The following MAST4 variants were observed in gnomAD, a reference collection of about 807,000 sequenced individuals.
MAST4 encodes the protein microtubule-associated serine/threonine-protein kinase 4.
MAST4 carries 89 observed loss-of-function variants against 162.7 expected under a neutral mutation model. The observed-to-expected ratio is 0.55, with a 90% CI of 0.46 to 0.65. MAST4 has a LOEUF of 0.65. MAST4 is among the 30% of genes least tolerant of loss of function. The probability of loss-of-function intolerance (pLI) is 0.00; values close to 1 mark genes in which losing one functional copy is unlikely to be tolerated. For missense variants in MAST4, 3,153 were observed against 3,374.0 expected, an observed-to-expected ratio of 0.93 and a Z score of 1.62; for synonymous variants, 1,479 against 1,361.1, an observed-to-expected ratio of 1.09 and a Z score of -1.91.
intron 6 of MAST4, among the ~76,000 whole-genome samples, chr5:67,093,400 C>T (rs760499870): frequency 1.3e-5 from 2 of 152,070 alleles, no homozygotes; most frequent in Non-Finnish European, 2.9e-5. Flanking sequence ...TGATACCTTT[C>T]TTGAAAAAAG....
chr5:66,776,054 G>A (rs1754585846), intron 2 of MAST4, among the ~76,000 whole-genome samples: 1 of 152,194 alleles, frequency 6.6e-6, no homozygotes, highest in Non-Finnish European at 1.5e-5. Flanking sequence ...TGAAATACAC[G>A]ATTATGTGAA....
chr5:66,614,860 GT>G (rs1396611478), intron 1 of MAST4, among the ~76,000 whole-genome samples: 2 of 152,170 alleles, frequency 1.3e-5, no homozygotes, highest in East Asian at 3.9e-4. Context: ...TGCTGGAGAT[GT>G]TTTTCTCTGC....
chr5:67,036,211 G>T (rs1450323467), intron 4 of MAST4, among the ~76,000 whole-genome samples: 1 of 152,114 alleles, frequency 6.6e-6, no homozygotes, highest in African/African-American at 2.4e-5. Context: ...AAAGTATCCT[G>T]TTACAGGACC....
At chr5:67,095,868 A>G (rs1477954064) in intron 7 of MAST4, among the ~76,000 whole-genome samples, 193 bp downstream of exon 7, 2 of 152,298 alleles carry the variant, frequency 1.3e-5, no homozygotes, top group East Asian at 1.9e-4. Context: ...GCAAGCTTTT[A>G]AACTGTAGTG....
intron 1 of MAST4, among the ~76,000 whole-genome samples, chr5:66,664,485 A>G (rs1747122607): frequency 1.3e-5 from 2 of 148,814 alleles, no homozygotes; most frequent in South Asian, 2.2e-4. Context: ...AGTTTTGACC[A>G]TATTAACTTT....
chr5:67,043,336 T>C (rs1156337407), intron 4 of MAST4, among the ~76,000 whole-genome samples: 1 of 152,166 alleles, frequency 6.6e-6, no homozygotes. Flanking sequence ...TTCAAATAAG[T>C]TTTGGATATA....
At chr5:67,093,227 C>T (rs915086121) in intron 6 of MAST4, among the ~76,000 whole-genome samples, 2 of 152,014 alleles carry the variant, frequency 1.3e-5, no homozygotes, top group Non-Finnish European at 2.9e-5. Flanking sequence ...TCCCTTCTTA[C>T]TTTTTCATTT....
chr5:66,626,290 G>A (rs185084293), intron 1 of MAST4, among the ~76,000 whole-genome samples: 1 of 152,124 alleles, frequency 6.6e-6, no homozygotes, highest in East Asian at 1.9e-4. Context: ...TAACTGTAGG[G>A]GTAATAGAGA....
intron 4 of MAST4, among the ~76,000 whole-genome samples, chr5:67,012,735 G>GA (rs1435092442): frequency 6.6e-6 from 1 of 151,702 alleles, no homozygotes; most frequent in African/African-American, 2.4e-5. Flanking sequence ...CAGGCAGATA[G>GA]AAAAAAAGAA....
At chr5:66,772,835 C>G (rs1333077443) in intron 2 of MAST4, among the ~76,000 whole-genome samples, 1 of 152,126 alleles carries the variant, frequency 6.6e-6, no homozygotes, top group Non-Finnish European at 1.5e-5. Context: ...CTCAAGGTCC[C>G]TTTGAGTTGA....
intron 21 of MAST4, among the ~76,000 whole-genome samples, chr5:67,143,516 C>T (rs184882430): frequency 3.9e-4 from 59 of 152,298 alleles, no homozygotes; most frequent in Admixed American, 2.0e-3. Flanking sequence ...CTCCCTTTTG[C>T]TATTTTCAGT....
chr5:66,618,035 G>T (rs566213111), intron 1 of MAST4, among the ~76,000 whole-genome samples: 86 of 142,310 alleles, frequency 6.0e-4, no homozygotes, highest in Non-Finnish European at 6.7e-4. Flanking sequence ...GGGAGGAATG[G>T]GGGGGGGGCC....
rs1751214016 is a variant in MAST4, at chr5:67,000,850, ATAGTG to A, written c.675-53553_675-53549del. 4.6e-5 allele frequency among the ~76,000 whole-genome samples: 7 copies of A among 152,218 alleles called. No homozygotes were observed. In the South Asian group the frequency reaches 8.3e-4, roughly 18 times the overall value. On this transcript the variant is annotated intron_variant, in intron 4 of 28. Transcript: ENST00000403625. ...TTTTTTGTATGTAGAAGGGGAGGTA[ATAGTG>A]AAGGATTTGACCCTTTCTTAAATAC...
At chr5:66,623,773 A>G (rs1744228333) in intron 1 of MAST4, among the ~76,000 whole-genome samples, 3 of 152,218 alleles carry the variant, frequency 2.0e-5, no homozygotes, top group African/African-American at 7.2e-5. Context: ...GGCAGAGAAA[A>G]CAGACAGGAA....
intron 3 of MAST4, among the ~76,000 whole-genome samples, chr5:66,874,478 A>C (rs888888162): frequency 2.0e-5 from 3 of 152,224 alleles, no homozygotes; most frequent in African/African-American, 7.2e-5. Context: ...AGCTTTGCTG[A>C]TCCAGAATAA....
intron 3 of MAST4, among the ~76,000 whole-genome samples, chr5:66,887,676 A>C (rs1331049100): frequency 6.6e-6 from 1 of 152,190 alleles, no homozygotes; most frequent in Non-Finnish European, 1.5e-5. Flanking sequence ...AATACTGAAC[A>C]TTCTTCCTAT....
rs1491469801 is a variant in MAST4, at chr5:66,951,596, A to ATGTGTGTGTGTG, written c.674+51615_674+51616insGTGTGTGTGTGT. 2.6e-5 allele frequency among the ~76,000 whole-genome samples: 3 copies of ATGTGTGTGTGTG among 114,760 alleles called. No individual in the cohort carries two copies. In the East Asian group the frequency reaches 7.9e-4, roughly 30 times the overall value. 75.3% of individuals were successfully genotyped at this position (114,760 alleles called of 152,430 possible). ...AGAGGCCATTATTTTGCCTCCCATG[A>ATGTGTGTGTGTG]TATGTGTGTGTGTGTGTGTGTGTGT... On this transcript the variant is annotated intron_variant, in intron 4 of 28. Transcript: ENST00000403625.
intron 4 of MAST4, among the ~76,000 whole-genome samples, chr5:66,946,334 T>C (rs1422585511): frequency 6.6e-6 from 1 of 152,158 alleles, no homozygotes; most frequent in Admixed American, 6.6e-5. Flanking sequence ...TTAGATGAAA[T>C]TATTGAACTT....
At chr5:66,764,235 A>G (rs1329239889) in intron 2 of MAST4, among the ~76,000 whole-genome samples, 3 of 152,112 alleles carry the variant, frequency 2.0e-5, no homozygotes, top group Non-Finnish European at 4.4e-5. Flanking sequence ...GATTTGTTCT[A>G]TGTGTCTACC....
Sources: allele counts gnomAD v4.1 joint callset (sites outside exome capture counted in the v4.1 genomes callset), GRCh38; gene constraint gnomAD v4.1.1; transcripts MANE v1.5; gene names NCBI Gene and HGNC (gene_info 2026-07-23, HGNC 2026-07-21).